Variants in MYO1E observed in about 807,000 individuals in gnomAD.
MYO1E encodes myosin IE.
In MYO1E, 68 loss-of-function variants were observed where a neutral mutation model predicts 151.1. That is an observed-to-expected ratio of 0.45 (90% CI 0.37 to 0.55). MYO1E has a LOEUF of 0.55. Ranked by LOEUF, MYO1E falls within the 20% of genes least tolerant of loss-of-function variation. The pLI is 0.00. For synonymous variants in MYO1E, 601 were observed against 501.7 expected, an observed-to-expected ratio of 1.20 and a Z score of -2.64; for missense variants, 1,363 against 1,389.3, an observed-to-expected ratio of 0.98 and a Z score of 0.30.
chr15:59,276,786 C>A (rs1048283209), intron 1 of MYO1E, among the ~76,000 whole-genome samples: 10 of 152,202 alleles, frequency 6.6e-5, no homozygotes, highest in African/African-American at 2.2e-4. Context: ...AAGGTGGAAC[C>A]TCACTGACTG....
At chr15:59,354,566 G>A (rs2080843372) in intron 1 of MYO1E, among the ~76,000 whole-genome samples, 1 of 152,120 alleles carries the variant, frequency 6.6e-6, no homozygotes, top group African/African-American at 2.4e-5. Context: ...CATGCCAGGT[G>A]GGCACCTGGC....
intron 1 of MYO1E, among the ~76,000 whole-genome samples, chr15:59,347,272 C>A (rs906052683): frequency 1.1e-4 from 17 of 152,138 alleles, no homozygotes; most frequent in Non-Finnish European, 8.8e-5. Flanking sequence ...CCAGGCTGCG[C>A]GCTTCTAATG....
At chr15:59,233,094 A>C (rs531205485) in intron 5 of MYO1E, among the ~76,000 whole-genome samples, 1 of 96,204 alleles carries the variant, frequency 1.0e-5, no homozygotes, top group Non-Finnish European at 2.3e-5. Flanking sequence ...GAGTTTGTGG[A>C]TCTTCATTAA....
chr15:59,372,252 C>T (rs908305730), intron 1 of MYO1E, among the ~76,000 whole-genome samples: 12 of 152,268 alleles, frequency 7.9e-5, no homozygotes, highest in African/African-American at 2.6e-4. Context: ...CATAGCAACC[C>T]GGCCACAGAA....
intron 18 of MYO1E, 69 bp downstream of exon 18, chr15:59,188,049 A>ATTCCC: frequency 8.4e-7 from 1 of 1,184,476 alleles, no homozygotes; most frequent in Non-Finnish European, 1.3e-6. Context: ...GAAGTGGGTG[A>ATTCCC]ATTGTATAGA....
At chr15:59,187,345 C>T (rs777841797) in intron 18 of MYO1E, among the ~76,000 whole-genome samples, 2 of 152,210 alleles carry the variant, frequency 1.3e-5, no homozygotes, top group Non-Finnish European at 2.9e-5. Context: ...AAAAAATCCT[C>T]AATATAATTT....
chr15:59,218,299 C>T (rs755032551), intron 9 of MYO1E: 1 of 682,650 alleles, frequency 1.5e-6, no homozygotes, highest in South Asian at 1.5e-5. Context: ...TGTTTTATGA[C>T]ATGAGTCAAT....
Position 59,149,065 on chromosome 15 carries a change from T to G in MYO1E, c.3080+4525A>C, listed in dbSNP as rs564359191. ...TTTTTTTTTTTTGTTTTTTTTTTTTTTTTTTTTTTGAGACAGAGTCTTGCT... is the reference window on the plus strand; with the variant it reads ...TTTTTTTTTTTTGTTTTTTTTTTTTGTTTTTTTTTGAGACAGAGTCTTGCT... On this transcript the variant is annotated intron_variant, in intron 26 of 27. Coordinates refer to ENST00000288235, the MANE Select transcript of MYO1E (RefSeq NM_004998.4). Among the ~76,000 whole-genome samples the G allele has an allele frequency of 1.9e-3, 265 of 141,976 alleles. 2 individuals are homozygous for G. The East Asian group carries it at 0.04, about 21-fold the overall frequency. The allele number at this position is 141,976 out of a possible 152,430, so 93.1% of individuals were successfully genotyped here.
At chr15:59,187,079 C>G (rs1354725129) in intron 18 of MYO1E, among the ~76,000 whole-genome samples, 5 of 152,194 alleles carry the variant, frequency 3.3e-5, no homozygotes, top group African/African-American at 9.7e-5. Flanking sequence ...TGTCTTCATA[C>G]TGTTAATTTA....
At chr15:59,215,455 T>C (rs903102316) in intron 10 of MYO1E, among the ~76,000 whole-genome samples, 9 of 152,152 alleles carry the variant, frequency 5.9e-5, no homozygotes, top group African/African-American at 2.2e-4. Context: ...AGCAGTATGA[T>C]GCCTAAATCT....
Position 59,207,454 on chromosome 15 carries a change from A to G in MYO1E, c.1530+1227T>C, listed in dbSNP as rs760746354. ...GGCCATCTTCAAGTTAATGATTTCC[A>G]GTATTGTCCAGTACAGCCCCCACTG... On this transcript the variant is annotated intron_variant, in intron 14 of 27. Coordinates refer to ENST00000288235, the MANE Select transcript of MYO1E (RefSeq NM_004998.4). 5.0e-6 allele frequency: 8 copies of G among 1,614,030 alleles called. No homozygotes were observed. The South Asian group carries it at 8.8e-5, about 18-fold the overall frequency.
chr15:59,166,098 C>G (rs1049783007), intron 22 of MYO1E, among the ~76,000 whole-genome samples: 2 of 152,194 alleles, frequency 1.3e-5, no homozygotes, highest in Non-Finnish European at 2.9e-5. Context: ...CAGCATGAAT[C>G]TAGAAATGAG....
chr15:59,273,857 T>C (rs2080302779), intron 1 of MYO1E, among the ~76,000 whole-genome samples: 1 of 152,130 alleles, frequency 6.6e-6, no homozygotes, highest in Non-Finnish European at 1.5e-5. Flanking sequence ...GACTCGCCCC[T>C]GCCCCCTCCC....
rs1478732650 is a variant in MYO1E, at chr15:59,158,373, G to C, written c.2792C>G (p.Thr931Ser). Reference protein sequence around the residue: ...GPGLPKNSRPTRRNTTQNTGY... With the variant: ...GPGLPKNSRPSRRNTTQNTGY... ...TGTATTTTGGGTAGTGTTCCTTCTG[G>C]TAGGACCTGAAATAAACAAGACAAA... Residue 931 changes from threonine to serine, a missense_variant, in exon 25 of 28, where the codon ACC (threonine) becomes AGC (serine). By Grantham distance (58) the Thr-to-Ser change is moderately conservative. Coordinates refer to ENST00000288235, the MANE Select transcript of MYO1E (RefSeq NM_004998.4). The C allele has an allele frequency of 6.4e-7, 1 of 1,559,964 alleles. No individual in the cohort carries two copies. Among genetic ancestry groups the C allele is most frequent in the South Asian group, 1.2e-5 (1 of 84,884 alleles).
At chr15:59,278,994 C>T (rs551547188) in intron 1 of MYO1E, among the ~76,000 whole-genome samples, 7 of 151,984 alleles carry the variant, frequency 4.6e-5, no homozygotes, top group East Asian at 1.9e-4. Flanking sequence ...ACGTGAGGCT[C>T]GGGGAAGGGA....
Position 59,209,813 on chromosome 15 carries a change from ACCT to A in MYO1E, c.1362+698_1362+700del, listed in dbSNP as rs2079866434. Reference sequence around the variant, plus strand: ...TTCTGTATCACTTTTATTTTGAATCACCTTTTTTTTTTTTTTTTTTTTTTTTTT... The same window carrying A: ...TTCTGTATCACTTTTATTTTGAATCATTTTTTTTTTTTTTTTTTTTTTTTT... On this transcript the variant is annotated intron_variant, in intron 13 of 27. Transcript: ENST00000288235. Among the ~76,000 whole-genome samples, 18 of 71,184 alleles carry A rather than the reference ACCT, an allele frequency of 2.5e-4. 1 individual carries two copies. Among genetic ancestry groups the A allele is most frequent in the Admixed American group, 1.8e-3 (12 of 6,546 alleles). The allele number at this position is 71,184 out of a possible 152,430, so 46.7% of individuals were successfully genotyped here. A position where few individuals can be genotyped will look rare whatever the true frequency, so the allele number is the denominator to read the frequency against.
chr15:59,208,904 G>T, intron 13 of MYO1E, 56 bp from the exon 14 acceptor site: 1 of 1,600,594 alleles, frequency 6.2e-7, no homozygotes, highest in East Asian at 2.2e-5. Context: ...AACAGACAAT[G>T]CTTATCAGGT....
chr15:59,211,631 T>C (rs900485507), intron 12 of MYO1E, among the ~76,000 whole-genome samples: 7 of 152,194 alleles, frequency 4.6e-5, no homozygotes, highest in African/African-American at 1.7e-4. Flanking sequence ...TTAGAGGAAC[T>C]CTGATTCCAT....
At chr15:59,212,079 G>A (rs1566980362) in intron 12 of MYO1E, among the ~76,000 whole-genome samples, 2 of 152,002 alleles carry the variant, frequency 1.3e-5, no homozygotes, top group East Asian at 3.9e-4. Context: ...TGCCCTGCAA[G>A]TTCCCATACA....
Sources: gnomAD v4.1 joint callset for allele counts (sites outside exome capture counted in the v4.1 genomes callset) on GRCh38, gnomAD v4.1.1 for gene constraint, MANE v1.5 for transcripts, NCBI Gene and HGNC (gene_info 2026-07-23, HGNC 2026-07-21) for gene names.